SERPINB12: variants seen among roughly 807,000 people sequenced by gnomAD.
The protein encoded by SERPINB12 is serpin B12.
In SERPINB12, 57 loss-of-function variants were observed where a neutral mutation model predicts 41.1. The ratio of observed to expected loss-of-function variants is 1.39; its 90% CI spans 1.12 to 1.73. SERPINB12 has a LOEUF of 1.73. Among genes scored for constraint, SERPINB12 ranks in the 40% most tolerant of loss-of-function variants. The probability of loss-of-function intolerance (pLI) is 0.00; values close to 1 mark genes in which losing one functional copy is unlikely to be tolerated. For synonymous variants in SERPINB12, 180 were observed against 181.3 expected (o/e 0.99, Z 0.06); for missense variants, 536 against 501.9 (o/e 1.07, Z -0.65).
At chr18:63,535,587 A>G in the SERPINB12 span, among the ~76,000 whole-genome samples, 1 of 152,200 alleles carries the variant, frequency 6.6e-6, no homozygotes, top group Admixed American at 6.5e-5. Flanking sequence ...TATGACAACT[A>G]AATGCAATGT....
intron 1 of SERPINB12, among the ~76,000 whole-genome samples, chr18:63,544,678 A>G (rs1327410628): frequency 6.6e-6 from 1 of 152,164 alleles, no homozygotes; most frequent in Non-Finnish European, 1.5e-5. Flanking sequence ...AGCTGAAAGA[A>G]CTAAGGGCTT....
chr18:63,542,786 C>G (rs1319670424), intron 1 of SERPINB12, among the ~76,000 whole-genome samples: 3 of 152,054 alleles, frequency 2.0e-5, no homozygotes, highest in Non-Finnish European at 2.9e-5. Flanking sequence ...GATTCTTACC[C>G]TTCTCCCATC....
chr18:63,529,776 T>A, the SERPINB12 span, among the ~76,000 whole-genome samples: 78 of 134,486 alleles, frequency 5.8e-4, no homozygotes, highest in South Asian at 2.4e-3. Context: ...AATTAAAAAA[T>A]AAAATAATTT....
At chr18:63,559,477 G>A in intron 3 of SERPINB12, 101 bp from the exon 4 acceptor site, 1 of 1,190,400 alleles carries the variant, frequency 8.4e-7, no homozygotes, top group African/African-American at 1.5e-5. Context: ...ATCTTACTAA[G>A]AAGCTCTATC....
intron 1 of SERPINB12, among the ~76,000 whole-genome samples, chr18:63,554,821 A>C (rs1256259554): frequency 6.6e-6 from 1 of 152,166 alleles, no homozygotes; most frequent in Non-Finnish European, 1.5e-5. Context: ...TGTGATCCCC[A>C]TAATCTCCAC....
chr18:63,546,463 C>T (rs542059439), intron 1 of SERPINB12, among the ~76,000 whole-genome samples: 161 of 152,196 alleles, frequency 1.1e-3, no homozygotes, highest in Non-Finnish European at 1.9e-3. Flanking sequence ...CTCATCCCTA[C>T]CACACACCTA....
At chr18:63,527,222 C>A in the SERPINB12 span, among the ~76,000 whole-genome samples, 1 of 152,134 alleles carries the variant, frequency 6.6e-6, no homozygotes, top group South Asian at 2.1e-4. Context: ...GGCAGGGAAG[C>A]ATTTTATAAA....
chr18:63,535,097 A>G, the SERPINB12 span, among the ~76,000 whole-genome samples: 1 of 152,198 alleles, frequency 6.6e-6, no homozygotes, highest in Non-Finnish European at 1.5e-5. Context: ...CAGGTTACCA[A>G]CTAATAAATA....
chr18:63,545,726 T>A (rs969595301), intron 1 of SERPINB12, among the ~76,000 whole-genome samples: 3 of 152,138 alleles, frequency 2.0e-5, no homozygotes, highest in Admixed American at 6.6e-5. Flanking sequence ...CTGTTCTGAA[T>A]ATGAATGGTA....
chr18:63,544,838 A>G (rs1053880650), intron 1 of SERPINB12, among the ~76,000 whole-genome samples: 2 of 152,208 alleles, frequency 1.3e-5, no homozygotes, highest in African/African-American at 4.8e-5. Context: ...TGTCTGCTTT[A>G]GATAAAAGAT....
chr18:63,530,483 A>G, the SERPINB12 span, among the ~76,000 whole-genome samples: 3 of 152,186 alleles, frequency 2.0e-5, no homozygotes, highest in South Asian at 2.1e-4. Flanking sequence ...ACTTCCTTCT[A>G]TTGGATTCAG....
At chr18:63,551,500 T>G (rs1910529538) in intron 1 of SERPINB12, among the ~76,000 whole-genome samples, 1 of 151,916 alleles carries the variant, frequency 6.6e-6, no homozygotes, top group Non-Finnish European at 1.5e-5. Context: ...TAATTTTGTA[T>G]TTTTAGTAGA....
At chr18:63,538,324 ACT>A (rs1173163139), upstream of SERPINB12, among the ~76,000 whole-genome samples, 1 of 151,850 alleles carries the variant, frequency 6.6e-6, no homozygotes, top group Non-Finnish European at 1.5e-5. Flanking sequence ...CCTAAACAAA[ACT>A]CTCTATATTA....
rs758493328 is a variant in SERPINB12, at chr18:63,561,075, A to G, written c.445-10A>G. ...TATTGCATTATTTCCCTTTTATTCC[A>G]ATGGAACAGGAATACTTAGATGGTG... On this transcript the variant is annotated splice_polypyrimidine_tract_variant and intron_variant, in intron 4 of 7. Coordinates refer to ENST00000382768, the MANE Select transcript of SERPINB12 (RefSeq NM_001307928.2). 2.6e-6 allele frequency: 4 copies of G among 1,536,568 alleles called. 1 individual carries two copies. In the South Asian group the frequency reaches 3.4e-5, roughly 13 times the overall value.
Position 63,564,004 on chromosome 18 carries a change from G to A in SERPINB12, c.589G>A (p.Asp197Asn), listed in dbSNP as rs1911006644. Reference protein sequence around the residue: ...QGKIKELFSKDAINAETVLVL... With the variant: ...QGKIKELFSKNAINAETVLVL... Reference sequence around the variant, plus strand: ...TAAAATCAAGGAACTCTTCAGCAAGGACGCTATTAATGCTGAGACTGTGCT... The same window carrying A: ...TAAAATCAAGGAACTCTTCAGCAAGAACGCTATTAATGCTGAGACTGTGCT... Residue 197 changes from aspartate to asparagine, a missense_variant, in exon 6 of 8, where the codon GAC (aspartate) becomes AAC (asparagine). Transcript: ENST00000382768. 2 of 1,612,558 alleles carry A rather than the reference G, an allele frequency of 1.2e-6. No individual in the cohort carries two copies. The highest frequency in any genetic ancestry group is 2.7e-5 in the African/African-American group (2 of 74,856).
chr18:63,560,439 G>A (rs1361013012), intron 4 of SERPINB12, among the ~76,000 whole-genome samples: 2 of 152,180 alleles, frequency 1.3e-5, no homozygotes, highest in Non-Finnish European at 2.9e-5. Context: ...TGCAATGAAA[G>A]TAAGATTTTT....
chr18:63,552,261 G>A (rs139792041), intron 1 of SERPINB12, among the ~76,000 whole-genome samples: 188 of 152,062 alleles, frequency 1.2e-3, no homozygotes, highest in African/African-American at 4.4e-3. Flanking sequence ...AGACCAGGAG[G>A]GTCAATTTCT....
chr18:63,530,230 C>G, the SERPINB12 span, among the ~76,000 whole-genome samples: 7 of 152,162 alleles, frequency 4.6e-5, no homozygotes, highest in African/African-American at 1.7e-4. Flanking sequence ...GTATTGCTGG[C>G]ACAAGGATAG....
intron 6 of SERPINB12, among the ~76,000 whole-genome samples, chr18:63,565,029 TA>T (rs1226195789): frequency 1.1e-4 from 16 of 151,464 alleles, no homozygotes; most frequent in Middle Eastern, 3.4e-3. Flanking sequence ...CTACAAAAAA[TA>T]AAAAAAATTA....
Sources: gnomAD v4.1 joint callset for allele counts (sites outside exome capture counted in the v4.1 genomes callset) on GRCh38, gnomAD v4.1.1 for gene constraint, MANE v1.5 for transcripts, NCBI Gene and HGNC (gene_info 2026-07-23, HGNC 2026-07-21) for gene names.